PDE1A: variants seen among roughly 807,000 people sequenced by gnomAD.
PDE1A encodes dual specificity calcium/calmodulin-dependent 3',5'-cyclic nucleotide phosphodiesterase 1A.
In PDE1A, 35 loss-of-function variants were observed where a neutral mutation model predicts 61.7. That is an observed-to-expected ratio of 0.57 (90% CI 0.43 to 0.75). The LOEUF (loss-of-function observed/expected upper bound fraction) is 0.75, where lower values mean the gene tolerates loss of function less well. Ranked by LOEUF, PDE1A falls within the 30% of genes least tolerant of loss-of-function variation. The probability of loss-of-function intolerance (pLI) is 0.00; values close to 1 mark genes in which losing one functional copy is unlikely to be tolerated. For synonymous variants in PDE1A, 232 were observed against 213.2 expected (o/e 1.09, Z -0.77); for missense variants, 597 against 630.6 (o/e 0.95, Z 0.57).
At chr2:182,397,327 A>T (rs1358413414) in intron 1 of PDE1A, among the ~76,000 whole-genome samples, 1 of 152,136 alleles carries the variant, frequency 6.6e-6, no homozygotes, top group Non-Finnish European at 1.5e-5. Context: ...ACAGTTCAAT[A>T]TTGGCAATTT....
chr2:182,695,683 A>G, the PDE1A span, among the ~76,000 whole-genome samples: 499 of 95,258 alleles, frequency 5.2e-3, 18 homozygotes, highest in African/African-American at 0.014. Flanking sequence ...AAAAAAAAAA[A>G]AAGAAAAAGA....
chr2:182,273,797 G>A (rs1237630550), intron 1 of PDE1A, among the ~76,000 whole-genome samples: 2 of 152,104 alleles, frequency 1.3e-5, no homozygotes, highest in Non-Finnish European at 2.9e-5. Context: ...GAAGCACTAA[G>A]GTGGTGAAAA....
At chr2:182,507,095 C>T (rs922736434) in intron 2 of PDE1A, among the ~76,000 whole-genome samples, 1 of 152,016 alleles carries the variant, frequency 6.6e-6, no homozygotes, top group African/African-American at 2.4e-5. Flanking sequence ...AAAAGAGAGA[C>T]CTCAATGTTT....
At chr2:182,212,183 T>C (rs1329347759) in intron 7 of PDE1A, among the ~76,000 whole-genome samples, 1 of 117,702 alleles carries the variant, frequency 8.5e-6, no homozygotes, top group Admixed American at 9.5e-5. Context: ...TACTTTTTAA[T>C]TGACAATTAA....
At chr2:182,674,313 T>C in the PDE1A span, among the ~76,000 whole-genome samples, 1 of 152,060 alleles carries the variant, frequency 6.6e-6, no homozygotes, top group African/African-American at 2.4e-5. Context: ...ATGCCCATAG[T>C]GCCTTCTGTT....
chr2:182,695,929 C>T, the PDE1A span, among the ~76,000 whole-genome samples: 1 of 152,162 alleles, frequency 6.6e-6, no homozygotes, highest in Non-Finnish European at 1.5e-5. Context: ...ACATACCTAT[C>T]AGAATGGCCA....
exon 1 of PDE1A, chr2:182,426,661 A>C: frequency 1.2e-6 from 2 of 1,612,320 alleles, no homozygotes; most frequent in Non-Finnish European, 1.7e-6. Flanking sequence ...TCTTCCTGGA[A>C]ACCACTCCAG....
chr2:182,290,552 C>T (rs1346103294), intron 1 of PDE1A, among the ~76,000 whole-genome samples: 3 of 151,916 alleles, frequency 2.0e-5, no homozygotes, highest in Non-Finnish European at 4.4e-5. Context: ...AATAAAGAAT[C>T]CAGCCTCCCT....
At chr2:182,450,137 T>C (rs1416825232) in intron 2 of PDE1A, among the ~76,000 whole-genome samples, 1 of 152,116 alleles carries the variant, frequency 6.6e-6, no homozygotes, top group Admixed American at 6.6e-5. Context: ...TTTTTAATCA[T>C]CATCATCATC....
At chr2:182,597,970 T>C in the PDE1A span, among the ~76,000 whole-genome samples, 1 of 152,334 alleles carries the variant, frequency 6.6e-6, no homozygotes, top group African/African-American at 2.4e-5. Flanking sequence ...TAGAACACTT[T>C]AAAATTTCCT....
At chr2:182,376,673 C>G (rs1239643474) in intron 1 of PDE1A, among the ~76,000 whole-genome samples, 1 of 152,126 alleles carries the variant, frequency 6.6e-6, no homozygotes, top group Non-Finnish European at 1.5e-5. Context: ...CAGCAATGCC[C>G]AACTCTAATG....
At chr2:182,692,289 G>C in the PDE1A span, among the ~76,000 whole-genome samples, 2 of 152,094 alleles carry the variant, frequency 1.3e-5, no homozygotes, top group Admixed American at 1.3e-4. Context: ...AACAATGATA[G>C]ACTAGATTAA....
At chr2:182,715,597 G>A in the PDE1A span, among the ~76,000 whole-genome samples, 1 of 152,118 alleles carries the variant, frequency 6.6e-6, no homozygotes, top group Non-Finnish European at 1.5e-5. Context: ...TTATATTGCT[G>A]TGGGACAAAA....
the PDE1A span, among the ~76,000 whole-genome samples, chr2:182,690,244 C>T: frequency 6.6e-6 from 1 of 152,150 alleles, no homozygotes; most frequent in Non-Finnish European, 1.5e-5. Context: ...AAATTTTAGA[C>T]CAATATCCTT....
chr2:182,171,843 T>C (rs144207443), intron 13 of PDE1A, among the ~76,000 whole-genome samples: 1 of 151,520 alleles, frequency 6.6e-6, no homozygotes, highest in Non-Finnish European at 1.5e-5. Flanking sequence ...CTCTGCCCCA[T>C]CATCTCTGTT....
chr2:182,320,184 C>A (rs1175585829), intron 1 of PDE1A, among the ~76,000 whole-genome samples: 2 of 152,106 alleles, frequency 1.3e-5, no homozygotes, highest in African/African-American at 2.4e-5. Flanking sequence ...ATATTAGTGA[C>A]AACATAAGCT....
intron 1 of PDE1A, among the ~76,000 whole-genome samples, chr2:182,338,840 A>T (rs1698007425): frequency 6.6e-6 from 1 of 152,132 alleles, no homozygotes; most frequent in Non-Finnish European, 1.5e-5. Flanking sequence ...TTTTAACCAG[A>T]AGGCAAGGGC....
the PDE1A span, among the ~76,000 whole-genome samples, chr2:182,672,535 GAGAC>G: frequency 1.3e-5 from 2 of 152,192 alleles, no homozygotes; most frequent in African/African-American, 4.8e-5. Context: ...ATAAAAGAAA[GAGAC>G]AGGGTAGAAA....
intron 1 of PDE1A, among the ~76,000 whole-genome samples, chr2:182,378,395 A>G (rs1350145860): frequency 1.3e-5 from 2 of 152,200 alleles, no homozygotes; most frequent in African/African-American, 2.4e-5. Context: ...AAAATGTTCA[A>G]TGTTTTAATT....
Sources: allele counts gnomAD v4.1 joint callset (sites outside exome capture counted in the v4.1 genomes callset), GRCh38; gene constraint gnomAD v4.1.1; transcripts MANE v1.5; gene names NCBI Gene and HGNC (gene_info 2026-07-23, HGNC 2026-07-21).